The following RIGI variants were observed in gnomAD, a reference collection of about 807,000 sequenced individuals.
RIGI encodes the protein antiviral innate immune response receptor RIG-I.
chr9:32,521,139 C>CAAAAAAA, the RIGI span, among the ~76,000 whole-genome samples: 5,409 of 32,652 alleles, frequency 0.17, 1,044 homozygotes, highest in Middle Eastern at 0.32. Context: ...GACACCATCT[C>CAAAAAAA]AAAAAAAAAA....
chr9:32,481,371 T>G, the RIGI span: 1 of 1,613,892 alleles, frequency 6.2e-7, no homozygotes. Flanking sequence ...AAACAGGGCT[T>G]TACAAATCCT....
chr9:32,458,888 A>ATTTTT, the RIGI span, among the ~76,000 whole-genome samples: 1 of 89,778 alleles, frequency 1.1e-5, no homozygotes, highest in Non-Finnish European at 2.7e-5. Context: ...ATTTAGCATG[A>ATTTTT]CTTTTTTTTT....
the RIGI span, chr9:32,488,826 T>C: frequency 1.9e-6 from 3 of 1,613,222 alleles, no homozygotes; most frequent in African/African-American, 2.7e-5. Flanking sequence ...CCTTTTGTCC[T>C]TGTGGGAATT....
the RIGI span, among the ~76,000 whole-genome samples, chr9:32,461,998 C>T: frequency 6.6e-6 from 1 of 152,084 alleles, no homozygotes; most frequent in Non-Finnish European, 1.5e-5. Flanking sequence ...CTTAATATCT[C>T]CCAGTAAAAT....
At chr9:32,491,474 G>A in the RIGI span, 67 of 1,438,084 alleles carry the variant, frequency 4.7e-5, no homozygotes, top group African/African-American at 9.2e-4. Flanking sequence ...TTATAGTTTT[G>A]ATGGTGAAAG....
the RIGI span, among the ~76,000 whole-genome samples, chr9:32,470,793 GCTTAA>G: frequency 6.6e-6 from 1 of 152,152 alleles, no homozygotes; most frequent in Admixed American, 6.5e-5. Context: ...AATTCTTCTA[GCTTAA>G]CTGTGCAAGG....
chr9:32,464,518 T>C, the RIGI span, among the ~76,000 whole-genome samples: 2 of 152,042 alleles, frequency 1.3e-5, no homozygotes, highest in Non-Finnish European at 2.9e-5. Context: ...GCCTCCCGAG[T>C]AGCTGGGACT....
chr9:32,493,378 C>G, the RIGI span, among the ~76,000 whole-genome samples: 1 of 152,204 alleles, frequency 6.6e-6, no homozygotes, highest in Non-Finnish European at 1.5e-5. Flanking sequence ...GTAATCCCAG[C>G]ACTTTGAGAG....
the RIGI span, chr9:32,491,396 T>A: frequency 6.2e-7 from 1 of 1,611,268 alleles, no homozygotes; most frequent in East Asian, 2.2e-5. Context: ...ATCCTCAAGA[T>A]CTTCTGTTTC....
the RIGI span, among the ~76,000 whole-genome samples, chr9:32,499,931 G>A: frequency 2.0e-5 from 3 of 152,244 alleles, no homozygotes; most frequent in Non-Finnish European, 4.4e-5. Context: ...GAGTTTGTTC[G>A]GCTTTTAATA....
chr9:32,462,404 CTTTTTTT>C, the RIGI span, among the ~76,000 whole-genome samples: 1 of 85,924 alleles, frequency 1.2e-5, no homozygotes, highest in Non-Finnish European at 2.1e-5. Flanking sequence ...TTAGATCTAG[CTTTTTTT>C]TTTTTTTTTT....
chr9:32,509,999 T>C, the RIGI span, among the ~76,000 whole-genome samples: 41 of 151,876 alleles, frequency 2.7e-4, no homozygotes, highest in African/African-American at 8.4e-4. Flanking sequence ...AGATTGAAGA[T>C]GAATTTAATG....
chr9:32,493,803 C>G, the RIGI span: 1 of 1,607,124 alleles, frequency 6.2e-7, no homozygotes, highest in South Asian at 1.1e-5. Flanking sequence ...AACATTCAGA[C>G]AGATCAGAAA....
At chr9:32,482,218 T>G in the RIGI span, among the ~76,000 whole-genome samples, 648 of 151,828 alleles carry the variant, frequency 4.3e-3, 6 homozygotes, top group African/African-American at 0.015. Context: ...TGTGTGTGTT[T>G]GATTGTTTCT....
At chr9:32,491,541 C>T in the RIGI span, 1 of 700,820 alleles carries the variant, frequency 1.4e-6, no homozygotes, top group Non-Finnish European at 2.3e-6. Flanking sequence ...TTTCTCACAA[C>T]CACTCCCCTT....
chr9:32,494,025 G>T, the RIGI span: 1 of 1,067,454 alleles, frequency 9.4e-7, no homozygotes, highest in Non-Finnish European at 1.3e-6. Context: ...AATCATGTTT[G>T]AATGTATGGT....
At chr9:32,501,031 A>G in the RIGI span, 1 of 1,449,654 alleles carries the variant, frequency 6.9e-7, no homozygotes. Flanking sequence ...CTTCCCAAAT[A>G]GGGACAGGAA....
the RIGI span, among the ~76,000 whole-genome samples, chr9:32,499,628 G>A: frequency 2.0e-5 from 3 of 151,914 alleles, no homozygotes; most frequent in Admixed American, 6.6e-5. Context: ...GCTAATTTTT[G>A]TATTTTTAGT....
At chr9:32,513,454 C>T in the RIGI span, among the ~76,000 whole-genome samples, 1 of 152,090 alleles carries the variant, frequency 6.6e-6, no homozygotes, top group African/African-American at 2.4e-5. Context: ...CTTTGACAAC[C>T]CTGACAAAAA....
Sources: gnomAD v4.1 joint callset for allele counts (sites outside exome capture counted in the v4.1 genomes callset) on GRCh38, gnomAD v4.1.1 for gene constraint, MANE v1.5 for transcripts, NCBI Gene and HGNC (gene_info 2026-07-23, HGNC 2026-07-21) for gene names.